EIF2B3: variants seen among roughly 807,000 people sequenced by gnomAD.
EIF2B3 encodes the protein eukaryotic translation initiation factor 2B subunit gamma.
A neutral mutation model predicts 54.1 loss-of-function variants in EIF2B3; 20 were observed. That is an observed-to-expected ratio of 0.37 (90% CI 0.26 to 0.54). The LOEUF is 0.54. EIF2B3 is among the 20% of genes least tolerant of loss of function. EIF2B3 has a pLI of 0.86. For missense variants in EIF2B3, 448 were observed against 547.8 expected, an observed-to-expected ratio of 0.82 and a Z score of 1.82; for synonymous variants, 153 against 188.1, an observed-to-expected ratio of 0.81 and a Z score of 1.52.
Position 44,858,560 on chromosome 1 carries a change from C to A in EIF2B3, c.1203-753G>T, listed in dbSNP as rs545482454. ...TCTTGGCTCACTACAGCCTCCACCT[C>A]CTGGGTTCAAGCAATTCTCCTGCCT... On this transcript the variant is annotated intron_variant, in intron 10 of 11. Coordinates refer to ENST00000360403, the MANE Select transcript of EIF2B3 (RefSeq NM_020365.5). 2.6e-5 allele frequency among the ~76,000 whole-genome samples: 4 copies of A among 152,180 alleles called. No homozygotes were observed. The East Asian group carries it at 7.8e-4, about 29-fold the overall frequency.
intron 1 of EIF2B3, among the ~76,000 whole-genome samples, chr1:44,981,942 CAAAA>C (rs35864275): frequency 5.1e-5 from 4 of 78,978 alleles, no homozygotes; most frequent in Admixed American, 1.5e-4. Flanking sequence ...GATCCTGTCT[CAAAA>C]AAAAAAAAAA....
At chr1:44,957,401 T>C (rs1176030488) in intron 3 of EIF2B3, among the ~76,000 whole-genome samples, 1 of 152,128 alleles carries the variant, frequency 6.6e-6, no homozygotes, top group Non-Finnish European at 1.5e-5. Flanking sequence ...ACATGAACAA[T>C]TTACAAAGAA....
intron 10 of EIF2B3, among the ~76,000 whole-genome samples, chr1:44,865,781 C>T (rs1326217203): frequency 6.6e-6 from 1 of 151,974 alleles, no homozygotes; most frequent in Non-Finnish European, 1.5e-5. Flanking sequence ...GTTGGTCAGG[C>T]TGGTCTCGAA....
intron 4 of EIF2B3, among the ~76,000 whole-genome samples, chr1:44,934,937 T>C (rs951688612): frequency 3.3e-5 from 5 of 152,222 alleles, no homozygotes; most frequent in African/African-American, 1.2e-4. Flanking sequence ...AAAGAAATAC[T>C]GTACAGGCTC....
intron 5 of EIF2B3, among the ~76,000 whole-genome samples, chr1:44,914,832 G>T (rs1464303652): frequency 6.6e-6 from 1 of 152,060 alleles, no homozygotes; most frequent in Non-Finnish European, 1.5e-5. Context: ...GGGACTACAA[G>T]TTCCCGCCAC....
intron 6 of EIF2B3, among the ~76,000 whole-genome samples, chr1:44,882,486 A>G (rs1655435264): frequency 2.0e-5 from 3 of 150,284 alleles, no homozygotes. Flanking sequence ...TCTGTTGCCC[A>G]GGCTGGAGTA....
intron 11 of EIF2B3, among the ~76,000 whole-genome samples, chr1:44,853,127 C>T (rs1654326575): frequency 6.6e-6 from 1 of 151,848 alleles, no homozygotes; most frequent in Non-Finnish European, 1.5e-5. Flanking sequence ...GGAAGCTGAT[C>T]AATGATGCGG....
intron 3 of EIF2B3, among the ~76,000 whole-genome samples, chr1:44,956,946 G>A (rs976041229): frequency 6.6e-6 from 1 of 152,158 alleles, no homozygotes; most frequent in Non-Finnish European, 1.5e-5. Context: ...ATGAATTAAA[G>A]ATTGTTAAAT....
At chr1:44,899,548 A>G (rs987475750) in intron 5 of EIF2B3, among the ~76,000 whole-genome samples, 9 of 152,238 alleles carry the variant, frequency 5.9e-5, no homozygotes, top group Non-Finnish European at 2.9e-5. Context: ...GAAGACATAC[A>G]GGCAGACAAC....
At chr1:44,887,495 T>C (rs536190518) in intron 6 of EIF2B3, among the ~76,000 whole-genome samples, 2 of 152,338 alleles carry the variant, frequency 1.3e-5, no homozygotes, top group African/African-American at 4.8e-5. Context: ...TGGTAAGCAG[T>C]GAAGTCTTAC....
At chr1:44,979,716 C>A (rs12070692) in intron 2 of EIF2B3, among the ~76,000 whole-genome samples, 43,329 of 151,616 alleles carry the variant, frequency 0.29, 6,717 homozygotes, top group African/African-American at 0.38. Flanking sequence ...GTAATTCCAA[C>A]ACTTTGGAAG....
At chr1:44,877,208 A>AAAAAAAAAAC (rs1655205054) in intron 8 of EIF2B3, among the ~76,000 whole-genome samples, 1 of 148,278 alleles carries the variant, frequency 6.7e-6, no homozygotes, top group Non-Finnish European at 1.5e-5. Flanking sequence ...AAAAAAAAAA[A>AAAAAAAAAAC]AAAAAAAAAA....
At chr1:44,936,549 C>T (rs965886387) in intron 4 of EIF2B3, among the ~76,000 whole-genome samples, 7 of 152,052 alleles carry the variant, frequency 4.6e-5, no homozygotes, top group African/African-American at 1.2e-4. Flanking sequence ...CAAGATCGCG[C>T]CATTGCACTC....
At chr1:44,928,088 G>C (rs1232984309) in intron 4 of EIF2B3, among the ~76,000 whole-genome samples, 1 of 152,118 alleles carries the variant, frequency 6.6e-6, no homozygotes, top group Admixed American at 6.6e-5. Context: ...GGAGGCTAAG[G>C]CTGCAGTGAG....
intron 5 of EIF2B3, among the ~76,000 whole-genome samples, chr1:44,918,517 G>A (rs985223145): frequency 6.6e-6 from 1 of 152,076 alleles, no homozygotes; most frequent in African/African-American, 2.4e-5. Context: ...AGCCTCCTGG[G>A]TAGCTGGGAT....
chr1:44,887,810 C>T (rs1232882154), intron 6 of EIF2B3, among the ~76,000 whole-genome samples: 2 of 151,998 alleles, frequency 1.3e-5, no homozygotes, highest in African/African-American at 4.8e-5. Context: ...GGGGCTGAGG[C>T]ATGCCTGAAC....
At chr1:44,875,720 A>G (rs1557665423) in intron 8 of EIF2B3, 25 bp from the exon 9 acceptor site, 3 of 1,598,134 alleles carry the variant, frequency 1.9e-6, no homozygotes, top group Non-Finnish European at 2.6e-6. Flanking sequence ...TTTGGTCACT[A>G]AAGATCAGAA....
At chr1:44,978,708 T>C (rs1644481175) in intron 2 of EIF2B3, among the ~76,000 whole-genome samples, 1 of 142,004 alleles carries the variant, frequency 7.0e-6, no homozygotes, top group Non-Finnish European at 1.5e-5. Flanking sequence ...ACTGTCGCAG[T>C]TCACAGCAGC....
At chr1:44,883,643 C>T (rs1655483687) in intron 6 of EIF2B3, among the ~76,000 whole-genome samples, 1 of 152,168 alleles carries the variant, frequency 6.6e-6, no homozygotes, top group Non-Finnish European at 1.5e-5. Context: ...CTTGAAAAAC[C>T]CTAGCCTCAG....
Sources: gnomAD v4.1 joint callset for allele counts (sites outside exome capture counted in the v4.1 genomes callset) on GRCh38, gnomAD v4.1.1 for gene constraint, MANE v1.5 for transcripts, NCBI Gene and HGNC (gene_info 2026-07-23, HGNC 2026-07-21) for gene names.